The following CACNB2 variants were observed in gnomAD, a reference collection of about 807,000 sequenced individuals.
CACNB2 encodes the protein voltage-dependent L-type calcium channel subunit beta-2.
In CACNB2, 42 loss-of-function variants were observed where a neutral mutation model predicts 73.3. That is an observed-to-expected ratio of 0.57 (90% CI 0.45 to 0.74). The LOEUF (loss-of-function observed/expected upper bound fraction) is 0.74, where lower values mean the gene tolerates loss of function less well. Among genes scored for constraint, CACNB2 ranks in the 30% least tolerant of loss-of-function variants. The pLI, the probability that CACNB2 is intolerant of heterozygous loss-of-function variation, is 0.00. For missense variants in CACNB2, 940 were observed against 853.0 expected, an observed-to-expected ratio of 1.10 and a Z score of -1.27; for synonymous variants, 348 against 310.3, an observed-to-expected ratio of 1.12 and a Z score of -1.28.
rs149253719 is a variant in CACNB2, at chr10:18,506,518, G to A, written c.641G>A (p.Ser214Asn). ...TCCAGTTTGGGTGACATAGTACCTA[G>A]TTCCAGAAAATCAACACCTCCATCA... Reference protein sequence around the residue: ...SSSSLGDIVPSSRKSTPPSSA... With the variant: ...SSSSLGDIVPNSRKSTPPSSA... Residue 214 changes from serine to asparagine, a missense_variant, in exon 6 of 14, where the codon AGT becomes AAT. By Grantham distance (46) the Ser-to-Asn change is conservative (BLOSUM62 1). Coordinates refer to ENST00000324631, the MANE Select transcript of CACNB2 (RefSeq NM_201596.3). The A allele has an allele frequency of 6.2e-7, 1 of 1,611,724 alleles. No homozygotes were observed. The highest frequency in any genetic ancestry group is 8.5e-7 in the Non-Finnish European group (1 of 1,177,920).
At chr10:18,471,086 C>A (rs1030260332) in intron 3 of CACNB2, among the ~76,000 whole-genome samples, 2 of 152,134 alleles carry the variant, frequency 1.3e-5, no homozygotes, top group African/African-American at 4.8e-5. Context: ...GGGTGGATCA[C>A]CTTAGGTTAG....
chr10:18,235,463 T>G (rs867697379), intron 2 of CACNB2, among the ~76,000 whole-genome samples: 2 of 152,266 alleles, frequency 1.3e-5, no homozygotes, highest in Middle Eastern at 6.8e-3. Flanking sequence ...GTCTCTAAAT[T>G]TTTTAAATTA....
chr10:18,333,990 A>C (rs989428633), intron 2 of CACNB2, among the ~76,000 whole-genome samples: 3 of 152,220 alleles, frequency 2.0e-5, no homozygotes, highest in African/African-American at 7.2e-5. Flanking sequence ...GTCCCGATTG[A>C]AAGTTCAGAA....
intron 10 of CACNB2, 106 bp from the exon 11 acceptor site, chr10:18,533,970 T>G: frequency 9.6e-7 from 1 of 1,040,694 alleles, no homozygotes; most frequent in Admixed American, 1.9e-5. Flanking sequence ...CCTGTAAGCA[T>G]TAACATAATG....
At chr10:18,528,941 T>C (rs1328991193) in intron 10 of CACNB2, among the ~76,000 whole-genome samples, 1 of 152,090 alleles carries the variant, frequency 6.6e-6, no homozygotes, top group Non-Finnish European at 1.5e-5. Context: ...ATGGGCTCAA[T>C]CAAACCTCCC....
In CACNB2 at chr10:18,289,283, TG is replaced by T. The variant is rs2038947656; in HGVS notation, c.214-112640del. 4.8e-4 allele frequency among the ~76,000 whole-genome samples: 50 copies of T among 104,488 alleles called. 1 individual carries two copies. Among genetic ancestry groups the T allele is most frequent in the African/African-American group, 1.2e-3 (24 of 19,752 alleles). 68.5% of individuals were successfully genotyped at this position (104,488 alleles called of 152,430 possible). A position where few individuals can be genotyped will look rare whatever the true frequency, so the allele number is the denominator to read the frequency against. On this transcript the variant is annotated intron_variant, in intron 2 of 13. Transcript: ENST00000324631. Reference sequence around the variant, plus strand: ...CGAAGTTGTCTTCATTTTTTTTTCTTGTTTTTTTGTTTTGTTTTTTTTTTTT... The same window carrying T: ...CGAAGTTGTCTTCATTTTTTTTTCTTTTTTTTTGTTTTGTTTTTTTTTTTT...
chr10:18,299,072 A>AT (rs1470972736), intron 2 of CACNB2, among the ~76,000 whole-genome samples: 1 of 107,648 alleles, frequency 9.3e-6, no homozygotes, highest in Non-Finnish European at 2.0e-5. Flanking sequence ...TATACTAAAA[A>AT]AAAAAAAATA....
intron 2 of CACNB2, among the ~76,000 whole-genome samples, chr10:18,263,470 A>T (rs759095784): frequency 1.3e-5 from 2 of 152,222 alleles, no homozygotes; most frequent in Non-Finnish European, 2.9e-5. Context: ...ATATACATAC[A>T]TGTATGCATA....
At chr10:18,370,635 A>C (rs1349398206) in intron 2 of CACNB2, among the ~76,000 whole-genome samples, 1 of 152,200 alleles carries the variant, frequency 6.6e-6, no homozygotes, top group Non-Finnish European at 1.5e-5. Flanking sequence ...CAGGTGAATT[A>C]ATAAACTCAT....
At chr10:18,499,338 C>A (rs1377266618) in intron 4 of CACNB2, among the ~76,000 whole-genome samples, 1 of 152,276 alleles carries the variant, frequency 6.6e-6, no homozygotes, top group East Asian at 1.9e-4. Context: ...GAACCTAGGG[C>A]TGGGCCCGGT....
chr10:18,219,913 C>T (rs1167111051), intron 2 of CACNB2, among the ~76,000 whole-genome samples: 1 of 150,002 alleles, frequency 6.7e-6, no homozygotes, highest in Non-Finnish European at 1.5e-5. Flanking sequence ...GGGACAGATG[C>T]CCGCCACCAT....
At chr10:18,275,834 G>C (rs1005283409) in intron 2 of CACNB2, among the ~76,000 whole-genome samples, 1 of 152,080 alleles carries the variant, frequency 6.6e-6, no homozygotes, top group African/African-American at 2.4e-5. Flanking sequence ...AAATTACCAT[G>C]CAGACCACAG....
At chr10:18,357,186 G>A (rs1030700581) in intron 2 of CACNB2, among the ~76,000 whole-genome samples, 69 of 145,326 alleles carry the variant, frequency 4.7e-4, no homozygotes, top group Admixed American at 1.3e-3. Context: ...CTCGTGATCC[G>A]CCCGTCTCGG....
intron 3 of CACNB2, among the ~76,000 whole-genome samples, chr10:18,446,902 A>G (rs539878350): frequency 1.3e-5 from 2 of 152,206 alleles, no homozygotes; most frequent in South Asian, 4.2e-4. Context: ...CTGTCTCTAA[A>G]AAAATAAAAA....
At chr10:18,401,723 C>T (rs2044007443) in intron 2 of CACNB2, among the ~76,000 whole-genome samples, 2 of 152,132 alleles carry the variant, frequency 1.3e-5, no homozygotes, top group Admixed American at 1.3e-4. Flanking sequence ...GGAATGGCAA[C>T]TCAGTAGACA....
chr10:18,284,747 A>G (rs2038711692), intron 2 of CACNB2, among the ~76,000 whole-genome samples: 1 of 152,154 alleles, frequency 6.6e-6, no homozygotes, highest in African/African-American at 2.4e-5. Context: ...TTTTTGGGGA[A>G]CTGCTGTGTA....
In CACNB2 at chr10:18,532,689, A is replaced by C. The variant is rs377750006; in HGVS notation, c.1055-1387A>C. 6.1e-4 allele frequency among the ~76,000 whole-genome samples: 36 copies of C among 58,700 alleles called. 1 individual carries two copies. The highest frequency in any genetic ancestry group is 9.1e-4 in the African/African-American group (13 of 14,304). 38.5% of individuals were successfully genotyped at this position (58,700 alleles called of 152,430 possible). On this transcript the variant is annotated intron_variant, in intron 10 of 13. Transcript: ENST00000324631. The stretch of plus-strand genomic sequence containing the variant: ...GAGACTCTGTCTCAAAAAAAAAAAA[A>C]AAAAAAACAAAACAAAAAAACAAAC...
At chr10:18,165,876 G>C (rs1413587341) in intron 2 of CACNB2, among the ~76,000 whole-genome samples, 1 of 152,128 alleles carries the variant, frequency 6.6e-6, no homozygotes, top group Non-Finnish European at 1.5e-5. Context: ...CTTTGCAACT[G>C]ACGTTAGATT....
chr10:18,285,540 A>T (rs2038749471), intron 2 of CACNB2, among the ~76,000 whole-genome samples: 1 of 152,238 alleles, frequency 6.6e-6, no homozygotes, highest in African/African-American at 2.4e-5. Context: ...CCCAGCAGCT[A>T]TCTGACTGTT....
Sources: gnomAD v4.1 joint callset for allele counts (sites outside exome capture counted in the v4.1 genomes callset) on GRCh38, gnomAD v4.1.1 for gene constraint, MANE v1.5 for transcripts, NCBI Gene and HGNC (gene_info 2026-07-23, HGNC 2026-07-21) for gene names.